Variants in NLRP4 observed in about 807,000 individuals in gnomAD.
NLRP4 encodes NACHT, LRR and PYD domains-containing protein 4.
In NLRP4, 44 loss-of-function variants were observed where a neutral mutation model predicts 84.7. That is an observed-to-expected ratio of 0.52 (90% CI 0.41 to 0.67). NLRP4 has a LOEUF of 0.67. Among genes scored for constraint, NLRP4 ranks in the 30% least tolerant of loss-of-function variants. The probability of loss-of-function intolerance (pLI) is 0.00; values close to 1 mark genes in which losing one functional copy is unlikely to be tolerated. For synonymous variants in NLRP4, 544 were observed against 476.4 expected (o/e 1.14, Z -1.85); for missense variants, 1,260 against 1,219.4 (o/e 1.03, Z -0.50).
At chr19:55,850,675 C>T in intron 1 of NLRP4, among the ~76,000 whole-genome samples, 1 of 136,442 alleles carries the variant, frequency 7.3e-6, no homozygotes, top group South Asian at 2.3e-4. Flanking sequence ...ATGTCCGTGG[C>T]TGCGGTGTAA....
At position 55,877,580 on chromosome 19, in the gene NLRP4, C is replaced by T. The variant is rs534986871; in HGVS notation, c.2696+414C>T. 6.6e-5 allele frequency among the ~76,000 whole-genome samples: 10 copies of T among 152,226 alleles called. No homozygotes were observed. The South Asian group carries it at 1.7e-3, about 25-fold the overall frequency. On this transcript the variant is annotated intron_variant, in intron 8 of 9. Coordinates refer to ENST00000301295, the MANE Select transcript of NLRP4 (RefSeq NM_134444.5). ...CAGTTTGCCAGGGTTTAAAAAGTAGCATGGACTGGGTGGCTTAGGTAATGA... is the reference window on the plus strand; with the variant it reads ...CAGTTTGCCAGGGTTTAAAAAGTAGTATGGACTGGGTGGCTTAGGTAATGA...
At chr19:55,864,963 T>C (rs937494613) in intron 5 of NLRP4, among the ~76,000 whole-genome samples, 8 of 152,146 alleles carry the variant, frequency 5.3e-5, no homozygotes, top group Non-Finnish European at 1.2e-4. Context: ...TTTTTAAACA[T>C]TTAAAAATTT....
intron 1 of NLRP4, among the ~76,000 whole-genome samples, chr19:55,843,011 G>A (rs917721284): frequency 1.5e-4 from 23 of 150,980 alleles, no homozygotes; most frequent in African/African-American, 4.6e-4. Context: ...CGCCCACCTC[G>A]GCCTCCCAAA....
intron 1 of NLRP4, among the ~76,000 whole-genome samples, chr19:55,847,761 C>T (rs191046853): frequency 3.1e-4 from 46 of 148,170 alleles, no homozygotes; most frequent in African/African-American, 1.1e-3. Flanking sequence ...GTTGCCCAGG[C>T]TGGAGTGCAA....
Position 55,852,096 on chromosome 19 carries a change from T to G in NLRP4, c.16T>G (p.Phe6Val), listed in dbSNP as rs746424826. 1 of 1,593,576 alleles carries G rather than the reference T, an allele frequency of 6.3e-7. No individual in the cohort carries two copies. Among genetic ancestry groups the G allele is most frequent in the Non-Finnish European group, 8.5e-7 (1 of 1,174,786 alleles). MAASF[F>V]SDFGLMWYLE... ...TCCAGAAAAGATGGCAGCCTCTTTC[T>G]TCTCTGATTTTGGTCTTATGTGGTA... The change falls in exon 2 of 10, where the codon TTC becomes GTC. Residue 6 changes from phenylalanine (F) to valine (V), a missense_variant. This residue lies in a region of NLRP4 where 712 missense variants were observed against 669.2 expected (regional missense o/e 1.06). Coordinates refer to ENST00000301295, the MANE Select transcript of NLRP4 (RefSeq NM_134444.5).
At chr19:55,875,372 T>C (rs1568674664) in intron 7 of NLRP4, among the ~76,000 whole-genome samples, 1 of 152,152 alleles carries the variant, frequency 6.6e-6, no homozygotes, top group Non-Finnish European at 1.5e-5. Flanking sequence ...ACAAGCTTGC[T>C]TGAAACAATA....
intron 3 of NLRP4, 60 bp from the exon 4 acceptor site, chr19:55,861,326 G>A: frequency 6.8e-7 from 1 of 1,469,846 alleles, no homozygotes; most frequent in Non-Finnish European, 9.4e-7. Context: ...GCGTATATGT[G>A]TTACAAGTGG....
chr19:55,881,134 C>T (rs1214570331), intron 9 of NLRP4, among the ~76,000 whole-genome samples: 1 of 37,340 alleles, frequency 2.7e-5, no homozygotes, highest in East Asian at 1.8e-3. Flanking sequence ...TGGTGAGAGC[C>T]ACGTGTGTGT....
At chr19:55,843,599 G>A (rs1158970704) in intron 1 of NLRP4, among the ~76,000 whole-genome samples, 1 of 152,106 alleles carries the variant, frequency 6.6e-6, no homozygotes. Context: ...GGCTGAGGCA[G>A]GAGAATCACT....
At chr19:55,868,103 G>A (rs1985032093) in intron 6 of NLRP4, among the ~76,000 whole-genome samples, 1 of 152,180 alleles carries the variant, frequency 6.6e-6, no homozygotes, top group South Asian at 2.1e-4. Flanking sequence ...TGTCTTAGAG[G>A]TCTTATGGCT....
At chr19:55,863,247 A>G (rs1984831375) in intron 5 of NLRP4, among the ~76,000 whole-genome samples, 1 of 152,182 alleles carries the variant, frequency 6.6e-6, no homozygotes, top group African/African-American at 2.4e-5. Context: ...AAGTTCAAAG[A>G]TGGACAAGGC....
At chr19:55,861,608 C>G (rs1278013975) in intron 4 of NLRP4, 61 bp downstream of exon 4, 2 of 1,501,418 alleles carry the variant, frequency 1.3e-6, no homozygotes, top group Middle Eastern at 3.6e-4. Context: ...CATCTCACCT[C>G]TAGCTTTCAG....
At chr19:55,861,940 G>A (rs1600233243) in intron 4 of NLRP4, 52 bp from the exon 5 acceptor site, 4 of 1,216,284 alleles carry the variant, frequency 3.3e-6, no homozygotes, top group African/African-American at 1.5e-5. Context: ...CAGGTGTGCA[G>A]GCTGTGCTCC....
Position 55,878,801 on chromosome 19 carries a change from G to A in NLRP4, c.2704G>A (p.Glu902Lys), listed in dbSNP as rs772259410. The A allele has an allele frequency of 3.7e-6, 6 of 1,611,692 alleles. No homozygotes were observed. The highest frequency in any genetic ancestry group is 5.1e-6 in the Non-Finnish European group (6 of 1,178,486). Residue 902 changes from glutamate to lysine, a missense_variant, in exon 9 of 10, where the codon GAA becomes AAA. This residue lies in a region of NLRP4 where 544 missense variants were observed against 531.7 expected (regional missense o/e 1.02). Transcript: ENST00000301295. Reference sequence around the variant, plus strand: ...TGTGTCTTTTTATTGCAGGTTGGAAGAATGTGGGTTAACGAGCACCTGCTG... The same window carrying A: ...TGTGTCTTTTTATTGCAGGTTGGAAAAATGTGGGTTAACGAGCACCTGCTG... ...DCRLEILGLEECGLTSTCCKD... is the reference protein window; with the variant it reads ...DCRLEILGLEKCGLTSTCCKD...
Position 55,839,480 on chromosome 19 carries a change from A to T in NLRP4, c.-66+2546A>T, listed in dbSNP as rs1274011594. Among the ~76,000 whole-genome samples, 4 of 40,372 alleles carry T rather than the reference A, an allele frequency of 9.9e-5. No individual in the cohort carries two copies. In the African/African-American group the frequency reaches 1.4e-3, roughly 14 times the overall value. 26.5% of individuals were successfully genotyped at this position (40,372 alleles called of 152,430 possible). ...TGAAGTCTTCTGTGGGGGAAGAGTT[A>T]AAAAAAAAAAAAAAAGCTTTCAAAA... is the stretch of plus-strand genomic sequence containing the variant. On this transcript the variant is annotated intron_variant, in intron 1 of 9. Coordinates refer to ENST00000301295, the MANE Select transcript of NLRP4 (RefSeq NM_134444.5).
At chr19:55,843,005 C>T (rs1314212232) in intron 1 of NLRP4, among the ~76,000 whole-genome samples, 1 of 152,102 alleles carries the variant, frequency 6.6e-6, no homozygotes. Context: ...GTGATCCGCC[C>T]ACCTCGGCCT....
chr19:55,857,921 G>A lies in NLRP4; in HGVS notation c.528G>A (p.Lys176=), dbSNP rs1984512370. The A allele has an allele frequency of 6.2e-7, 1 of 1,614,204 alleles. No homozygotes were observed. The change falls in exon 3 of 10, where the codon AAG becomes AAA. Residue 176 remains lysine (K), a synonymous_variant. Coordinates refer to ENST00000301295, the MANE Select transcript of NLRP4 (RefSeq NM_134444.5). The part of the protein sequence containing the change: ...MKLMMAWSDN[K]IFRDRFLYTF... ...TGATGATGGCCTGGTCGGACAACAA[G>A]ATCTTTCGGGATAGGTTCCTGTACA... is the stretch of plus-strand genomic sequence containing the variant.
intron 1 of NLRP4, among the ~76,000 whole-genome samples, chr19:55,849,831 A>T (rs454308): frequency 0.11 from 12,325 of 114,342 alleles, 1,019 homozygotes; most frequent in Middle Eastern, 0.15. Flanking sequence ...GTAATTTCCG[A>T]AGCTGCGGTG....
chr19:55,865,108 T>C (rs1031606731), intron 5 of NLRP4, among the ~76,000 whole-genome samples: 4 of 151,330 alleles, frequency 2.6e-5, no homozygotes, highest in African/African-American at 4.9e-5. Flanking sequence ...TAGTACCTGA[T>C]AGGTAGATTT....
Sources: allele counts gnomAD v4.1 joint callset (sites outside exome capture counted in the v4.1 genomes callset), GRCh38; gene constraint gnomAD v4.1.1; regional missense constraint gnomAD v4.1.1; transcripts MANE v1.5; gene names NCBI Gene and HGNC (gene_info 2026-07-23, HGNC 2026-07-21).